ACYP2: variants seen among roughly 807,000 people sequenced by gnomAD.
ACYP2 encodes the protein acylphosphatase-2.
Under a neutral mutation model 11.2 loss-of-function variants are expected in ACYP2, and 12 were observed. That is an observed-to-expected ratio of 1.08 (90% CI 0.69 to 1.74). The LOEUF is 1.74. Ranked by LOEUF, ACYP2 falls within the 40% of genes most tolerant of loss-of-function variation. The pLI is 0.00. For synonymous variants in ACYP2, 43 were observed against 32.2 expected, an observed-to-expected ratio of 1.33 and a Z score of -1.13; for missense variants, 134 against 101.9, an observed-to-expected ratio of 1.31 and a Z score of -1.35.
intron 6 of ACYP2, among the ~76,000 whole-genome samples, chr2:54,287,807 A>G (rs1689141632): frequency 6.6e-6 from 1 of 152,006 alleles, no homozygotes; most frequent in Admixed American, 6.5e-5. Context: ...AGTACTGCAA[A>G]GATGAGGTTT....
chr2:54,050,922 G>C lies in ACYP2; in HGVS notation c.63-36G>C. ...TCTGAGTAGCTGAGACTACAGGTGT[G>C]CACCCAACTAATTAAATTTTTTTCT... On this transcript the variant is annotated intron_variant, in intron 2 of 6. Transcript: ENST00000607452. The C allele has an allele frequency of 4.9e-6, 2 of 405,792 alleles. 1 individual carries two copies. The highest frequency in any genetic ancestry group is 7.1e-5 in the East Asian group (2 of 28,238). The allele number at this position is 405,792 out of a possible 1,614,324, so 25.1% of individuals were successfully genotyped here.
At chr2:54,186,524 G>A (rs978588825) in intron 6 of ACYP2, among the ~76,000 whole-genome samples, 2 of 151,832 alleles carry the variant, frequency 1.3e-5, no homozygotes, top group Admixed American at 6.6e-5. Flanking sequence ...TGTTGTTATC[G>A]TTTTCAGAGA....
In ACYP2 at chr2:54,031,499, C is replaced by T. The variant is rs565285001; in HGVS notation, c.63-19459C>T. ...CATAGTATTCCATGGTGCATATGTG[C>T]GACATTTTCTTAATCCAGTCTATCA... On this transcript the variant is annotated intron_variant, in intron 2 of 6. Transcript: ENST00000607452. 6.9e-4 allele frequency among the ~76,000 whole-genome samples: 105 copies of T among 152,170 alleles called. 1 individual carries two copies. The highest frequency in any genetic ancestry group is 1.9e-3 in the African/African-American group (80 of 41,506).
intron 2 of ACYP2, among the ~76,000 whole-genome samples, chr2:53,978,393 T>A (rs1238026864): frequency 3.9e-5 from 6 of 152,206 alleles, no homozygotes; most frequent in Non-Finnish European, 8.8e-5. Flanking sequence ...TAATGATACC[T>A]GTCCACCAAG....
Position 54,116,629 on chromosome 2 carries a change from C to G in ACYP2, c.278-18824C>G, listed in dbSNP as rs181125061. On this transcript the variant is annotated intron_variant, in intron 4 of 6. Transcript: ENST00000607452. The stretch of plus-strand genomic sequence containing the variant: ...TTTGACAATAAGGCTCTCTTAGAAA[C>G]AAATGCTGGTTCTTTGGTGCCAAAA... Among the ~76,000 whole-genome samples the G allele has an allele frequency of 2.5e-3, 379 of 151,342 alleles. 1 individual carries two copies. The highest frequency in any genetic ancestry group is 8.7e-3 in the African/African-American group (359 of 41,268).
rs35008364 is a variant in ACYP2, at chr2:54,007,255, C to CT, written c.62+33462dup. Among the ~76,000 whole-genome samples the CT allele has an allele frequency of 1.5e-3, 181 of 120,716 alleles. 2 individuals carry two copies. The highest frequency in any genetic ancestry group is 2.5e-3 in the African/African-American group (80 of 32,480). 79.2% of individuals were successfully genotyped at this position (120,716 alleles called of 152,430 possible). A position where few individuals can be genotyped will look rare whatever the true frequency, so the allele number is the denominator to read the frequency against. On this transcript the variant is annotated intron_variant, in intron 2 of 6. Transcript: ENST00000607452. ...CCATCATCCTAATTTCATGGTTTTT[C>CT]TTTTTTTTTTTTTTTTTGAGACGGA...
At chr2:54,235,338 G>GT (rs1262159973) in intron 6 of ACYP2, among the ~76,000 whole-genome samples, 16 of 151,548 alleles carry the variant, frequency 1.1e-4, no homozygotes, top group African/African-American at 1.7e-4. Context: ...AGACTCACAA[G>GT]TTTTTTTTGT....
intron 4 of ACYP2, among the ~76,000 whole-genome samples, chr2:54,124,386 G>A (rs993595433): frequency 6.6e-6 from 1 of 152,040 alleles, no homozygotes; most frequent in African/African-American, 2.4e-5. Context: ...AGTAGAGACG[G>A]GGTTTCTCCA....
At chr2:54,256,308 C>G (rs992939354) in intron 6 of ACYP2, 1 of 716,068 alleles carries the variant, frequency 1.4e-6, no homozygotes, top group Non-Finnish European at 2.3e-6. Flanking sequence ...ACACTCACTC[C>G]TCAGTCTCGC....
chr2:53,979,127 A>T (rs1226622374), intron 2 of ACYP2, among the ~76,000 whole-genome samples: 1 of 151,958 alleles, frequency 6.6e-6, no homozygotes, highest in African/African-American at 2.4e-5. Context: ...AGAAGGCATT[A>T]TTATTATAGA....
chr2:54,298,281 T>C (rs1378516282), intron 6 of ACYP2, among the ~76,000 whole-genome samples: 1 of 152,214 alleles, frequency 6.6e-6, no homozygotes, highest in African/African-American at 2.4e-5. Context: ...AGGAAATGTC[T>C]ATTCAAAATT....
rs533553480 is a variant in ACYP2, at chr2:54,031,880, C to T, written c.63-19078C>T. 1.0e-3 allele frequency among the ~76,000 whole-genome samples: 158 copies of T among 152,260 alleles called. 1 individual carries two copies. Among genetic ancestry groups the T allele is most frequent in the African/African-American group, 3.5e-3 (144 of 41,546 alleles). ...TTTGCATTTATCTGATGGCCAGTGA[C>T]GATGAGCATTTTTTCATGTGTCTTT... On this transcript the variant is annotated intron_variant, in intron 2 of 6. Transcript: ENST00000607452.
At chr2:54,105,616 C>G (rs950618905) in intron 4 of ACYP2, among the ~76,000 whole-genome samples, 4 of 151,960 alleles carry the variant, frequency 2.6e-5, no homozygotes, top group Non-Finnish European at 4.4e-5. Context: ...ACAGGTGCAG[C>G]CTCCCGAGTA....
chr2:54,191,966 C>T (rs1220747365), intron 6 of ACYP2, among the ~76,000 whole-genome samples: 1 of 152,046 alleles, frequency 6.6e-6, no homozygotes, highest in South Asian at 2.1e-4. Flanking sequence ...TGGCAGGCAC[C>T]CAATACATAT....
intron 6 of ACYP2, among the ~76,000 whole-genome samples, chr2:54,206,506 A>G (rs1478335186): frequency 6.6e-6 from 1 of 152,246 alleles, no homozygotes. Context: ...AGGTCTAATT[A>G]GAAACGATAT....
chr2:54,211,246 T>C (rs1685319217), intron 6 of ACYP2, among the ~76,000 whole-genome samples: 1 of 152,366 alleles, frequency 6.6e-6, no homozygotes. Context: ...ATTTTTGTTT[T>C]AGAAATACTG....
In ACYP2 at chr2:54,100,769, A is replaced by G. The variant is rs575480038; in HGVS notation, c.278-34684A>G. Among the ~76,000 whole-genome samples the G allele has an allele frequency of 2.6e-5, 4 of 152,330 alleles. No individual in the cohort carries two copies. In the South Asian group the frequency reaches 6.2e-4, roughly 24 times the overall value. On this transcript the variant is annotated intron_variant, in intron 4 of 6. Coordinates refer to ENST00000607452, the MANE Select transcript of ACYP2 (RefSeq NM_001320586.2). Reference sequence around the variant, plus strand: ...GCCGATTCACAGGGAACTATTTTCTATTTTTTGAATAATGGTAGAGGAAAG... The same window carrying G: ...GCCGATTCACAGGGAACTATTTTCTGTTTTTTGAATAATGGTAGAGGAAAG...
At chr2:54,260,646 G>T (rs73934424) in intron 6 of ACYP2, among the ~76,000 whole-genome samples, 2,164 of 152,208 alleles carry the variant, frequency 0.014, 50 homozygotes, top group African/African-American at 0.048. Context: ...CGAGTCCTAG[G>T]GAGAATAAGC....
intron 6 of ACYP2, chr2:54,254,499 T>C (rs10165485): frequency 0.14 from 22,940 of 161,826 alleles, 1,641 homozygotes; most frequent in African/African-American, 0.18. Flanking sequence ...TGCCCAGCAA[T>C]TGTCCACAGG....
Sources: allele counts gnomAD v4.1 joint callset (sites outside exome capture counted in the v4.1 genomes callset), GRCh38; gene constraint gnomAD v4.1.1; transcripts MANE v1.5; gene names NCBI Gene and HGNC (gene_info 2026-07-23, HGNC 2026-07-21).